STK33: variants seen among roughly 807,000 people sequenced by gnomAD.
STK33 encodes serine/threonine-protein kinase 33.
STK33 carries 52 observed loss-of-function variants against 58.0 expected under a neutral mutation model. The ratio of observed to expected loss-of-function variants is 0.90; its 90% confidence interval spans 0.72 to 1.13. STK33 has a LOEUF of 1.13. Among genes scored for constraint, STK33 ranks in the 50% most tolerant of loss-of-function variants. The pLI is 0.00. For synonymous variants in STK33, 215 were observed against 200.1 expected (o/e 1.07, Z -0.63); for missense variants, 630 against 604.2 (o/e 1.04, Z -0.45).
Position 8,480,534 on chromosome 11 carries a change from C to A in STK33, c.-385G>T, listed in dbSNP as rs957890596. ...ACAGAGCAGCATTATTGGAATTTAC[C>A]CTGGAGTGGGGAGGGGCGTAGTGAG... On this transcript the variant is annotated 5_prime_UTR_variant, in exon 2 of 16. Transcript: ENST00000687296. The A allele has an allele frequency of 2.0e-5, 3 of 152,168 alleles. No homozygotes were observed. The highest frequency in any genetic ancestry group is 2.9e-5 in the Non-Finnish European group (2 of 68,094). 9.4% of individuals were successfully genotyped at this position (152,168 alleles called of 1,614,324 possible).
At chr11:8,523,767 G>A (rs982150789) in intron 1 of STK33, among the ~76,000 whole-genome samples, 17 of 151,126 alleles carry the variant, frequency 1.1e-4, no homozygotes, top group African/African-American at 2.7e-4. Context: ...CGGCCGCCGC[G>A]TCTGGGAAGT....
chr11:8,543,806 C>T (rs750425823), intron 1 of STK33, among the ~76,000 whole-genome samples: 1 of 152,082 alleles, frequency 6.6e-6, no homozygotes, highest in Non-Finnish European at 1.5e-5. Flanking sequence ...ACCCCATTCT[C>T]CATGACATAT....
intron 1 of STK33, among the ~76,000 whole-genome samples, chr11:8,504,735 C>A (rs1456734352): frequency 6.6e-6 from 1 of 152,102 alleles, no homozygotes; most frequent in East Asian, 1.9e-4. Context: ...GAGTTCGAGG[C>A]TTCAGTGAGC....
intron 1 of STK33, among the ~76,000 whole-genome samples, chr11:8,559,657 C>T (rs1270028515): frequency 6.6e-6 from 1 of 152,140 alleles, no homozygotes; most frequent in Non-Finnish European, 1.5e-5. Context: ...AACATAGTCA[C>T]TACCGGTTAA....
At chr11:8,571,613 C>T (rs1158916532) in intron 1 of STK33, among the ~76,000 whole-genome samples, 1 of 152,080 alleles carries the variant, frequency 6.6e-6, no homozygotes, top group Non-Finnish European at 1.5e-5. Context: ...GCGGGTGGAT[C>T]ACGAGGTCAG....
chr11:8,540,074 G>C (rs1425401900), intron 1 of STK33, among the ~76,000 whole-genome samples: 1 of 152,128 alleles, frequency 6.6e-6, no homozygotes, highest in Non-Finnish European at 1.5e-5. Flanking sequence ...ACCCAAAAGA[G>C]AAGACCTTTT....
chr11:8,558,927 A>G (rs1956945707), intron 1 of STK33, among the ~76,000 whole-genome samples: 1 of 152,248 alleles, frequency 6.6e-6, no homozygotes, highest in Admixed American at 6.5e-5. Context: ...CCAACTGGAT[A>G]CTGCACTCAT....
chr11:8,365,943 G>C, the STK33 span, among the ~76,000 whole-genome samples: 1 of 152,158 alleles, frequency 6.6e-6, no homozygotes, highest in Non-Finnish European at 1.5e-5. Context: ...ATATCTGTCT[G>C]TCTATCTGTC....
At chr11:8,369,428 T>C in the STK33 span, among the ~76,000 whole-genome samples, 18 of 151,284 alleles carry the variant, frequency 1.2e-4, no homozygotes, top group Non-Finnish European at 2.2e-4. Context: ...GATCTTCAGA[T>C]CTAAGAGTGG....
Position 8,435,507 on chromosome 11 carries a change from T to TTA in STK33, c.1131_1132dup (p.Asn378IlefsTer5). 1 of 1,465,636 alleles carries TTA rather than the reference T, an allele frequency of 6.8e-7. No individual in the cohort carries two copies. Among genetic ancestry groups the TTA allele is most frequent in the African/African-American group, 1.4e-5 (1 of 71,712 alleles). 90.8% of individuals were successfully genotyped at this position (1,465,636 alleles called of 1,614,324 possible). A position where few individuals can be genotyped will look rare whatever the true frequency, so the allele number is the denominator to read the frequency against. Reference sequence around the variant, plus strand: ...ATTGTAACTTACTGTTAACCACTGGTTATCTAGTAGTTCCTTAGCTGTGAT... The same window carrying TTA: ...ATTGTAACTTACTGTTAACCACTGGTTATATCTAGTAGTTCCTTAGCTGTGAT... On this transcript the variant is annotated frameshift_variant, in exon 14 of 16. Transcript: ENST00000687296. LOFTEE classifies it high-confidence loss of function.
chr11:8,454,404 G>A (rs1489180247), intron 10 of STK33, among the ~76,000 whole-genome samples: 1 of 152,014 alleles, frequency 6.6e-6, no homozygotes, highest in African/African-American at 2.4e-5. Context: ...GCACACGCAA[G>A]GTGTGCTTTT....
At chr11:8,368,974 C>T in the STK33 span, among the ~76,000 whole-genome samples, 2 of 152,144 alleles carry the variant, frequency 1.3e-5, no homozygotes, top group African/African-American at 4.8e-5. Flanking sequence ...AAGCCATCAG[C>T]GTCTGCGTCC....
rs191221535 is a variant in STK33 at position 8,567,926 on chromosome 11, G to A, written c.-466+26157C>T. Reference sequence around the variant, plus strand: ...TGAACTTTTAAAAACAATATTCAACGGCTTCTACAGCAATATATCTGACTA... The same window carrying A: ...TGAACTTTTAAAAACAATATTCAACAGCTTCTACAGCAATATATCTGACTA... On this transcript the variant is annotated intron_variant, in intron 1 of 15. Transcript: ENST00000687296. Among the ~76,000 whole-genome samples the A allele has an allele frequency of 5.3e-5, 8 of 152,112 alleles. No homozygotes were observed. In the East Asian group the frequency reaches 1.2e-3, roughly 22 times the overall value.
chr11:8,415,865 T>G (rs1207065813), intron 14 of STK33, among the ~76,000 whole-genome samples: 2 of 152,118 alleles, frequency 1.3e-5, no homozygotes, highest in Non-Finnish European at 2.9e-5. Flanking sequence ...CAGTTATAAT[T>G]TACTTAAACA....
intron 1 of STK33, among the ~76,000 whole-genome samples, chr11:8,554,097 T>C (rs751071575): frequency 6.6e-6 from 1 of 151,926 alleles, no homozygotes. Flanking sequence ...AACAACTCAA[T>C]AGCAAGAAAA....
At chr11:8,489,563 C>T (rs1950450022) in intron 1 of STK33, among the ~76,000 whole-genome samples, 1 of 152,056 alleles carries the variant, frequency 6.6e-6, no homozygotes. Flanking sequence ...GGAAACCAGG[C>T]CAAACTCATC....
At chr11:8,476,377 T>C (rs890885526) in intron 4 of STK33, among the ~76,000 whole-genome samples, 101 of 152,340 alleles carry the variant, frequency 6.6e-4, no homozygotes, top group African/African-American at 2.2e-3. Context: ...AAGAGTAAGC[T>C]TAAGAAACAG....
chr11:8,423,571 C>T (rs1037899665), intron 14 of STK33, among the ~76,000 whole-genome samples: 1 of 151,938 alleles, frequency 6.6e-6, no homozygotes, highest in African/African-American at 2.4e-5. Context: ...CTTTTAACTG[C>T]GTATTATTAG....
chr11:8,588,682 A>G (rs2032110088), intron 1 of STK33, among the ~76,000 whole-genome samples: 1 of 152,216 alleles, frequency 6.6e-6, no homozygotes. Context: ...TCATAAAATT[A>G]AAAATTTTTG....
Sources: gnomAD v4.1 joint callset for allele counts (sites outside exome capture counted in the v4.1 genomes callset) on GRCh38, gnomAD v4.1.1 for gene constraint, MANE v1.5 for transcripts, NCBI Gene and HGNC (gene_info 2026-07-23, HGNC 2026-07-21) for gene names.